Variants in CFH observed in about 807,000 individuals in gnomAD.
CFH encodes complement factor H, also known as H factor 1 (complement).
CFH carries 53 observed loss-of-function variants against 147.3 expected under a neutral mutation model. The observed-to-expected ratio is 0.36, with a 90% CI of 0.29 to 0.45. The LOEUF (loss-of-function observed/expected upper bound fraction) is 0.45, where lower values mean the gene tolerates loss of function less well. CFH is among the 20% of genes least tolerant of loss of function. CFH has a pLI of 1.00. For missense variants in CFH, 1,380 were observed against 1,498.0 expected (o/e 0.92, Z 1.30); for synonymous variants, 536 against 489.4 (o/e 1.10, Z -1.26).
intron 1 of CFH, among the ~76,000 whole-genome samples, chr1:196,657,574 C>T (rs553938829): frequency 1.3e-5 from 2 of 152,100 alleles, no homozygotes; most frequent in Non-Finnish European, 2.9e-5. Context: ...GAATATATAT[C>T]CCCTGTGTAT....
rs773693442 is a variant in CFH at position 196,675,986 on chromosome 1, C to T, written c.351-3C>T. The T allele has an allele frequency of 1.2e-6, 2 of 1,604,872 alleles. No individual in the cohort carries two copies. Among genetic ancestry groups the T allele is most frequent in the South Asian group, 1.1e-5 (1 of 90,620 alleles). On this transcript the variant is annotated splice_polypyrimidine_tract_variant and splice_region_variant and intron_variant, in intron 3 of 21. Transcript: ENST00000367429. ...CAACGTTCTGTTATTTTTTGGTTTTCAGGTATCAATTGCTAGGTGAGATTA... is the reference window on the plus strand; with the variant it reads ...CAACGTTCTGTTATTTTTTGGTTTTTAGGTATCAATTGCTAGGTGAGATTA...
intron 1 of CFH, among the ~76,000 whole-genome samples, chr1:196,662,821 C>G (rs1218353359): frequency 6.6e-6 from 1 of 151,894 alleles, no homozygotes; most frequent in African/African-American, 2.4e-5. Flanking sequence ...GTCAGGGTCG[C>G]AGCGAGCTAA....
chr1:196,714,086 G>T (rs573325126), intron 10 of CFH, among the ~76,000 whole-genome samples, 169 bp downstream of exon 10: 1 of 151,938 alleles, frequency 6.6e-6, no homozygotes, highest in South Asian at 2.1e-4. Context: ...TAATTACTCA[G>T]ATATTAGTCT....
At chr1:196,679,571 A>G (rs1667579313) in intron 5 of CFH, 52 bp from the exon 6 acceptor site, 1 of 1,322,442 alleles carries the variant, frequency 7.6e-7, no homozygotes, top group African/African-American at 1.4e-5. Context: ...TGTCCTGGTC[A>G]CAGTCCTTTA....
intron 5 of CFH, chr1:196,677,937 G>T (rs928314332): frequency 1.2e-5 from 5 of 415,500 alleles, no homozygotes; most frequent in Middle Eastern, 7.4e-4. Context: ...GGATTATCAT[G>T]GCATAAAGAG....
chr1:196,694,951 G>T (rs996947038), intron 9 of CFH, among the ~76,000 whole-genome samples: 2 of 152,132 alleles, frequency 1.3e-5, no homozygotes, highest in East Asian at 3.8e-4. Flanking sequence ...CCATTCTGTA[G>T]ATTGCCTATT....
At chr1:196,722,933 G>GT (rs767301996) in intron 11 of CFH, among the ~76,000 whole-genome samples, 1 of 151,284 alleles carries the variant, frequency 6.6e-6, no homozygotes, top group Non-Finnish European at 1.5e-5. Flanking sequence ...AGTTCTATTT[G>GT]TTTTTTAAAA....
intron 7 of CFH, among the ~76,000 whole-genome samples, chr1:196,685,710 G>A (rs34137105): frequency 2.0e-5 from 3 of 152,024 alleles, no homozygotes; most frequent in Non-Finnish European, 2.9e-5. Flanking sequence ...AGAAGGCTTG[G>A]CTGGGAAGGA....
At chr1:196,680,327 A>T (rs910515672) in intron 6 of CFH, among the ~76,000 whole-genome samples, 1 of 151,482 alleles carries the variant, frequency 6.6e-6, no homozygotes, top group African/African-American at 2.4e-5. Context: ...AAAAAAAAAA[A>T]ACCTCTCAAC....
intron 9 of CFH, chr1:196,701,439 G>A (rs1012185618): frequency 1.3e-6 from 2 of 1,492,872 alleles, no homozygotes; most frequent in Admixed American, 3.4e-5. Context: ...TCCTGAGTAT[G>A]GTGACTAGTA....
At position 196,740,714 on chromosome 1, in the gene CFH, T is replaced by C. The variant is rs764111791; in HGVS notation, c.2878T>C (p.Phe960Leu). 1 of 1,614,044 alleles carries C rather than the reference T, an allele frequency of 6.2e-7. No homozygotes were observed. The highest frequency in any genetic ancestry group is 1.1e-5 in the South Asian group (1 of 91,076). ...QYGEEVTYKC[F>L]EGFGIDGPAI... ...TGGAGAAGAAGTTACGTACAAATGT[T>C]TTGAAGGTTTTGGAATTGATGGGCC... The change falls in exon 18 of 22, where the codon TTT becomes CTT. Residue 960 changes from phenylalanine (F) to leucine (L), a missense_variant. Physicochemically the swap from Phe to Leu is conservative, Grantham distance 22. This residue lies in a region of CFH where 830 missense variants were observed against 821.4 expected (regional missense o/e 1.01). Transcript: ENST00000367429.
At chr1:196,663,272 T>C (rs1453253401) in intron 1 of CFH, among the ~76,000 whole-genome samples, 1 of 152,204 alleles carries the variant, frequency 6.6e-6, no homozygotes, top group Non-Finnish European at 1.5e-5. Context: ...TCCACACATG[T>C]GTGTCTCCAT....
intron 15 of CFH, among the ~76,000 whole-genome samples, chr1:196,729,994 G>T: frequency 6.6e-6 from 1 of 150,976 alleles, no homozygotes. Context: ...TAGTTATTCT[G>T]GTTAAAGCTT....
chr1:196,703,073 G>C (rs950004429), intron 9 of CFH, among the ~76,000 whole-genome samples: 1 of 152,202 alleles, frequency 6.6e-6, no homozygotes, highest in Non-Finnish European at 1.5e-5. Flanking sequence ...GTCTCAATTA[G>C]TGAAGATTGT....
intron 8 of CFH, 67 bp downstream of exon 8, chr1:196,689,681 A>G: frequency 1.3e-6 from 2 of 1,535,898 alleles, no homozygotes; most frequent in Non-Finnish European, 1.8e-6. Flanking sequence ...AGGAGAGCAC[A>G]TAAGTGATTA....
chr1:196,740,619 G>A lies in CFH; in HGVS notation c.2783G>A (p.Gly928Asp), dbSNP rs751741940. 1 of 1,606,280 alleles carries A rather than the reference G, an allele frequency of 6.2e-7. No individual in the cohort carries two copies. Among genetic ancestry groups the A allele is most frequent in the Non-Finnish European group, 8.5e-7 (1 of 1,177,608 alleles). Residue 928 changes from glycine to aspartate, a missense_variant and splice_region_variant, in exon 18 of 22, where the codon GGC becomes GAC. Gly to Asp is a moderately conservative substitution (Grantham distance 94, BLOSUM62 -1). This residue lies in a region of CFH where 830 missense variants were observed against 821.4 expected (regional missense o/e 1.01). Transcript: ENST00000367429. Reference protein sequence around the residue: ...GKWSSPPQCEGLPCKSPPEIS... With the variant: ...GKWSSPPQCEDLPCKSPPEIS... ...CCTGAATTCATTCTTTTTTTTTTAG[G>A]CCTTCCTTGTAAATCTCCACCTGAG...
chr1:196,736,458 T>G (rs1669403595), intron 15 of CFH, among the ~76,000 whole-genome samples: 1 of 152,078 alleles, frequency 6.6e-6, no homozygotes, highest in Non-Finnish European at 1.5e-5. Flanking sequence ...AATTTTTATT[T>G]AATGCATGTA....
intron 6 of CFH, among the ~76,000 whole-genome samples, chr1:196,681,973 G>C (rs1467998816): frequency 1.3e-5 from 2 of 151,704 alleles, no homozygotes; most frequent in Non-Finnish European, 3.0e-5. Context: ...TCTATAAGAA[G>C]TTTGGAATTA....
chr1:196,714,150 G>C (rs1668790998), intron 10 of CFH, among the ~76,000 whole-genome samples: 1 of 151,934 alleles, frequency 6.6e-6, no homozygotes, highest in South Asian at 2.1e-4. Context: ...ACAGAAACAA[G>C]TTAGGGAGCT....
Sources: allele counts gnomAD v4.1 joint callset (sites outside exome capture counted in the v4.1 genomes callset), GRCh38; gene constraint gnomAD v4.1.1; regional missense constraint gnomAD v4.1.1; transcripts MANE v1.5; gene names NCBI Gene and HGNC (gene_info 2026-07-23, HGNC 2026-07-21).